NDUFS7: variants seen among roughly 807,000 people sequenced by gnomAD.
The protein encoded by NDUFS7 is NADH:ubiquinone oxidoreductase core subunit S7.
A neutral mutation model predicts 31.1 loss-of-function variants in NDUFS7; 11 were observed. The observed-to-expected ratio is 0.35, with a 90% CI of 0.22 to 0.59. The LOEUF is 0.59. Among genes scored for constraint, NDUFS7 ranks in the 20% least tolerant of loss-of-function variants. The probability of loss-of-function intolerance (pLI) is 0.79; values close to 1 mark genes in which losing one functional copy is unlikely to be tolerated. For missense variants in NDUFS7, 263 were observed against 324.2 expected (o/e 0.81, Z 1.45); for synonymous variants, 136 against 127.9 (o/e 1.06, Z -0.43).
At chr19:1,389,453 A>G (rs2082539121) in intron 4 of NDUFS7, 1 of 457,810 alleles carries the variant, frequency 2.2e-6, no homozygotes, top group African/African-American at 2.0e-5. Flanking sequence ...ACCCTCCCGG[A>G]GGCCCCTGTG....
At chr19:1,389,281 GCA>G (rs372065881) in intron 4 of NDUFS7, 303 of 583,626 alleles carry the variant, frequency 5.2e-4, no homozygotes, top group African/African-American at 4.9e-3. Context: ...ACGCACACTC[GCA>G]CACACGTGCA....
intron 4 of NDUFS7, 99 bp downstream of exon 4, chr19:1,389,037 C>A: frequency 1.0e-6 from 1 of 984,086 alleles, no homozygotes; most frequent in Non-Finnish European, 1.6e-6. Context: ...CACGTACACA[C>A]ACAACACATG....
At chr19:1,395,303 A>G in intron 7 of NDUFS7, 88 bp from the exon 8 acceptor site, 2 of 1,517,206 alleles carry the variant, frequency 1.3e-6, no homozygotes, top group African/African-American at 2.8e-5. Context: ...GGCCCGGGAA[A>G]CCCTTCCAAA....
At chr19:1,394,390 T>C (rs1174343244) in intron 7 of NDUFS7, 4 of 1,289,202 alleles carry the variant, frequency 3.1e-6, no homozygotes, top group Non-Finnish European at 4.0e-6. Flanking sequence ...AAGTTGCGAG[T>C]GTGGACTGTA....
chr19:1,395,299 G>C (rs1385967279), intron 7 of NDUFS7, 92 bp from the exon 8 acceptor site: 5 of 1,513,882 alleles, frequency 3.3e-6, no homozygotes, highest in African/African-American at 2.8e-5. Flanking sequence ...GGCCGGCCCG[G>C]GAAACCCTTC....
intron 1 of NDUFS7, among the ~76,000 whole-genome samples, chr19:1,385,008 G>T (rs1417604902): frequency 6.6e-6 from 1 of 152,020 alleles, no homozygotes; most frequent in African/African-American, 2.4e-5. Context: ...AGAGATGGGG[G>T]TCTTGCCCTG....
chr19:1,387,879 G>T, intron 2 of NDUFS7, 32 bp downstream of exon 2: 2 of 1,382,884 alleles, frequency 1.4e-6, no homozygotes, highest in South Asian at 2.3e-5. Context: ...CCTCAGCTGG[G>T]AGGGGCCTTC....
intron 1 of NDUFS7, 60 bp from the exon 2 acceptor site, chr19:1,387,751 G>A (rs1459853671): frequency 1.9e-6 from 3 of 1,553,516 alleles, no homozygotes; most frequent in Non-Finnish European, 1.8e-6. Context: ...GAAGCGCCTG[G>A]AGGCCGGCCC....
At chr19:1,387,709 G>C (rs1333511019) in intron 1 of NDUFS7, 102 bp from the exon 2 acceptor site, 1 of 1,073,550 alleles carries the variant, frequency 9.3e-7, no homozygotes, top group African/African-American at 1.5e-5. Flanking sequence ...GTTGGGATCA[G>C]AGCTAGGCTG....
chr19:1,389,178 TGCACACACAA>T (rs1399043027), intron 4 of NDUFS7: 11 of 693,172 alleles, frequency 1.6e-5, no homozygotes, highest in Non-Finnish European at 2.9e-5. Flanking sequence ...TGCACACACA[TGCACACACAA>T]GCACATGTGC....
rs752751454 is a variant in NDUFS7, at chr19:1,395,403, C to T, written c.557C>T (p.Thr186Met). Reference protein sequence around the residue: ...VDIYIPGCPPTAEALLYGILQ... With the variant: ...VDIYIPGCPPMAEALLYGILQ... ...AAGGTCCCTGCAGGCTGCCCACCTACGGCCGAGGCCCTGCTCTACGGCATC... is the reference window on the plus strand; with the variant it reads ...AAGGTCCCTGCAGGCTGCCCACCTATGGCCGAGGCCCTGCTCTACGGCATC... Residue 186 changes from threonine to methionine, a missense_variant, in exon 8 of 8, where the codon ACG becomes ATG. Physicochemically the swap from Thr to Met is moderately conservative, Grantham distance 81. Coordinates refer to ENST00000233627, the MANE Select transcript of NDUFS7 (RefSeq NM_024407.5). The T allele has an allele frequency of 4.1e-5, 66 of 1,600,662 alleles. No homozygotes were observed. The South Asian group carries it at 4.9e-4, about 12-fold the overall frequency.
At position 1,390,971 on chromosome 19, in the gene NDUFS7, TCCGCGCCAGC is replaced by T. The variant is rs777504868; in HGVS notation, c.339_348del (p.Arg115ThrfsTer3). On this transcript the variant is annotated frameshift_variant, in exon 5 of 8. Coordinates refer to ENST00000233627, the MANE Select transcript of NDUFS7 (RefSeq NM_024407.5). LOFTEE classifies it high-confidence loss of function. ...GACATGGACCGCTTTGGCGTGGTCT[TCCGCGCCAGC>T]CCGCGCCAGTCCGACGTCATGATCG... is the stretch of plus-strand genomic sequence containing the variant. 26 of 1,612,842 alleles carry T rather than the reference TCCGCGCCAGC, an allele frequency of 1.6e-5. No homozygotes were observed. The highest frequency in any genetic ancestry group is 3.3e-5 in the South Asian group (3 of 91,082).
rs977360357 is a variant in NDUFS7, at chr19:1,394,630, C to T, written c.545-761C>T. ...CGCGCCCCTCCCTCCCAGCGGACCG[C>T]GCTCCTCCCTCCCTGGGGACCTCGC... is the stretch of plus-strand genomic sequence containing the variant. On this transcript the variant is annotated intron_variant, in intron 7 of 7. Coordinates refer to ENST00000233627, the MANE Select transcript of NDUFS7 (RefSeq NM_024407.5). The T allele has an allele frequency of 2.6e-5, 32 of 1,214,316 alleles. 1 individual carries two copies. Among genetic ancestry groups the T allele is most frequent in the South Asian group, 2.4e-4 (16 of 66,332 alleles). The allele number at this position is 1,214,316 out of a possible 1,614,324, so 75.2% of individuals were successfully genotyped here.
chr19:1,385,038 A>T (rs1306801411), intron 1 of NDUFS7, among the ~76,000 whole-genome samples: 1 of 152,058 alleles, frequency 6.6e-6, no homozygotes, highest in Non-Finnish European at 1.5e-5. Context: ...CTGGTCTCGA[A>T]CTTCTGAGTT....
chr19:1,387,534 G>C (rs1017455512), intron 1 of NDUFS7, among the ~76,000 whole-genome samples: 11 of 152,256 alleles, frequency 7.2e-5, no homozygotes, highest in Admixed American at 7.2e-4. Context: ...CAGTGCGGGG[G>C]CCCTGGCGCA....
rs1193585808 is a variant in NDUFS7 at position 1,387,839 on chromosome 19, T to G, written c.45T>G (p.Leu15=). The change falls in exon 2 of 8, where the codon CTT becomes CTG. Residue 15 remains leucine, a synonymous_variant. Transcript: ENST00000233627. The part of the protein sequence containing the change: ...SAPGLRGFRI[L]GLRSSVGPAV... ...CTGGCCTGCGCGGCTTCCGGATCCTTGGTCTGCGGTGAGTGCCTGAGTCTC... is the reference window on the plus strand; with the variant it reads ...CTGGCCTGCGCGGCTTCCGGATCCTGGGTCTGCGGTGAGTGCCTGAGTCTC... 3.8e-6 allele frequency: 6 copies of G among 1,587,658 alleles called. No homozygotes were observed. The highest frequency in any genetic ancestry group is 5.1e-6 in the Non-Finnish European group (6 of 1,168,186).
At chr19:1,394,987 T>G in intron 7 of NDUFS7, 1 of 1,122,954 alleles carries the variant, frequency 8.9e-7, no homozygotes, top group Non-Finnish European at 1.1e-6. Flanking sequence ...CTCCCCTCCC[T>G]CCGCCCAGCC....
chr19:1,395,489 C>T lies in NDUFS7; in HGVS notation c.*1C>T, dbSNP rs751232748. The T allele has an allele frequency of 2.4e-5, 37 of 1,532,656 alleles. No homozygotes were observed. The highest frequency in any genetic ancestry group is 2.4e-5 in the East Asian group (1 of 41,336). The allele number at this position is 1,532,656 out of a possible 1,614,324, so 94.9% of individuals were successfully genotyped here. A position where few individuals can be genotyped will look rare whatever the true frequency, so the allele number is the denominator to read the frequency against. On this transcript the variant is annotated 3_prime_UTR_variant, in exon 8 of 8. Transcript: ENST00000233627. The stretch of plus-strand genomic sequence containing the variant: ...GCTGCAGATCTGGTACCGCAGGTAG[C>T]GCCGCCGCCGCCGCCGCCGGAGCCT...
Position 1,388,914 on chromosome 19 carries a change from T to A in NDUFS7, c.204T>A (p.Asp68Glu). 1 of 1,609,646 alleles carries A rather than the reference T, an allele frequency of 6.2e-7. No individual in the cohort carries two copies. Residue 68 changes from aspartate to glutamate, a missense_variant, in exon 4 of 8, where the codon GAT becomes GAA. Asp to Glu is a conservative substitution (Grantham distance 45). Transcript: ENST00000233627. ...SRGEYVVAKL[D>E]DLVNWARRSS... ...GCGAGTATGTGGTGGCCAAGCTGGA[T>A]GACCTCGTCAACTGGGCCCGCCGGG...
Sources: allele counts gnomAD v4.1 joint callset (sites outside exome capture counted in the v4.1 genomes callset), GRCh38; gene constraint gnomAD v4.1.1; transcripts MANE v1.5; gene names NCBI Gene and HGNC (gene_info 2026-07-23, HGNC 2026-07-21).